Variants in MVB12B observed in about 807,000 individuals in gnomAD.
The protein encoded by MVB12B is ESCRT-I complex subunit MVB12B.
In MVB12B, 16 loss-of-function variants were observed where a neutral mutation model predicts 41.6. The ratio of observed to expected loss-of-function variants is 0.38; its 90% CI spans 0.26 to 0.58. The LOEUF (loss-of-function observed/expected upper bound fraction) is 0.58. Among genes scored for constraint, MVB12B ranks in the 20% least tolerant of loss-of-function variants. The pLI, the probability that MVB12B is intolerant of heterozygous loss-of-function variation, is 0.62. For synonymous variants in MVB12B, 133 were observed against 139.7 expected (o/e 0.95, Z 0.34); for missense variants, 274 against 380.2 (o/e 0.72, Z 2.32).
intron 3 of MVB12B, among the ~76,000 whole-genome samples, chr9:126,384,111 T>C (rs1273091963): frequency 6.6e-6 from 1 of 152,084 alleles, no homozygotes; most frequent in Non-Finnish European, 1.5e-5. Context: ...AAAAAAATTA[T>C]GATAGATTAG....
chr9:126,384,924 C>A (rs768258674), intron 3 of MVB12B, among the ~76,000 whole-genome samples: 2 of 150,780 alleles, frequency 1.3e-5, no homozygotes, highest in Non-Finnish European at 2.9e-5. Flanking sequence ...GCAGCCTCAA[C>A]CTCCCAGGCT....
At chr9:126,477,136 G>T (rs1054086243) in intron 7 of MVB12B, among the ~76,000 whole-genome samples, 1 of 152,086 alleles carries the variant, frequency 6.6e-6, no homozygotes, top group Admixed American at 6.6e-5. Flanking sequence ...GGAAGGTGAA[G>T]GGGGAACAGG....
At chr9:126,397,784 A>G (rs1055925928) in intron 6 of MVB12B, among the ~76,000 whole-genome samples, 4 of 152,122 alleles carry the variant, frequency 2.6e-5, no homozygotes, top group Admixed American at 2.6e-4. Context: ...TTGATTATTC[A>G]TTCAAATTTT....
At chr9:126,410,199 G>A (rs1336315914) in intron 6 of MVB12B, among the ~76,000 whole-genome samples, 1 of 151,734 alleles carries the variant, frequency 6.6e-6, no homozygotes, top group Non-Finnish European at 1.5e-5. Flanking sequence ...ATGCATGCAT[G>A]TGTGTATGTG....
intron 7 of MVB12B, among the ~76,000 whole-genome samples, chr9:126,440,457 C>T (rs1421987543): frequency 6.6e-6 from 1 of 152,152 alleles, no homozygotes; most frequent in Non-Finnish European, 1.5e-5. Flanking sequence ...CACGAGTGAA[C>T]TGTAAAAGGT....
At chr9:126,349,798 G>A (rs1271323098) in intron 2 of MVB12B, among the ~76,000 whole-genome samples, 4 of 152,194 alleles carry the variant, frequency 2.6e-5, no homozygotes, top group Non-Finnish European at 5.9e-5. Context: ...GAGCCATTAT[G>A]AATAAAGTTG....
At chr9:126,385,504 T>C (rs1830757735) in intron 3 of MVB12B, among the ~76,000 whole-genome samples, 1 of 152,168 alleles carries the variant, frequency 6.6e-6, no homozygotes, top group Non-Finnish European at 1.5e-5. Flanking sequence ...CTAAGCAAGA[T>C]GGAACAACAG....
chr9:126,379,787 C>A (rs1465300611), intron 2 of MVB12B, among the ~76,000 whole-genome samples: 1 of 152,204 alleles, frequency 6.6e-6, no homozygotes, highest in Non-Finnish European at 1.5e-5. Flanking sequence ...GCCCACTGGG[C>A]TGGGGTCCTG....
At chr9:126,401,546 C>T (rs375298795) in intron 6 of MVB12B, among the ~76,000 whole-genome samples, 1 of 152,240 alleles carries the variant, frequency 6.6e-6, no homozygotes, top group Non-Finnish European at 1.5e-5. Flanking sequence ...ATGTCGATGT[C>T]AGGTTTTGAG....
intron 7 of MVB12B, among the ~76,000 whole-genome samples, chr9:126,447,317 A>G (rs922805115): frequency 7.0e-6 from 1 of 142,998 alleles, no homozygotes; most frequent in Non-Finnish European, 1.5e-5. Context: ...TGGTTCCCTC[A>G]TTTGTTTTCT....
At chr9:126,371,260 G>A (rs534386584) in intron 2 of MVB12B, among the ~76,000 whole-genome samples, 16 of 152,364 alleles carry the variant, frequency 1.1e-4, no homozygotes, top group South Asian at 4.1e-4. Context: ...TAGCTTGGCC[G>A]TCTGGGTGCG....
At chr9:126,366,928 C>T (rs1830198884) in intron 2 of MVB12B, among the ~76,000 whole-genome samples, 1 of 152,176 alleles carries the variant, frequency 6.6e-6, no homozygotes, top group Admixed American at 6.5e-5. Context: ...ATTCCCAAAC[C>T]GAACTCCTCT....
chr9:126,415,985 A>C (rs1433055763), intron 6 of MVB12B, among the ~76,000 whole-genome samples: 2 of 152,202 alleles, frequency 1.3e-5, no homozygotes, highest in Non-Finnish European at 2.9e-5. Context: ...CAGAGGCTGG[A>C]GGAACAAAAG....
intron 7 of MVB12B, among the ~76,000 whole-genome samples, chr9:126,453,031 T>C (rs1832913381): frequency 6.6e-6 from 1 of 151,886 alleles, no homozygotes; most frequent in Admixed American, 6.6e-5. Flanking sequence ...GCCCCTCACC[T>C]TCTTTGAGCT....
intron 9 of MVB12B, among the ~76,000 whole-genome samples, chr9:126,493,340 C>G (rs1833772740): frequency 6.6e-6 from 1 of 152,128 alleles, no homozygotes; most frequent in South Asian, 2.1e-4. Flanking sequence ...TTAAATGCCA[C>G]TTTTATCATA....
At chr9:126,476,454 G>A (rs987661489) in intron 7 of MVB12B, among the ~76,000 whole-genome samples, 6 of 152,216 alleles carry the variant, frequency 3.9e-5, no homozygotes, top group East Asian at 1.9e-4. Context: ...CACCCTGCCC[G>A]CTCCCTGCAG....
intron 6 of MVB12B, among the ~76,000 whole-genome samples, chr9:126,405,424 C>T (rs1831391299): frequency 1.3e-5 from 2 of 152,026 alleles, no homozygotes; most frequent in South Asian, 4.2e-4. Flanking sequence ...TTTATCAGTT[C>T]ACTTTAGGGT....
At chr9:126,344,948 C>T (rs979212420) in intron 2 of MVB12B, among the ~76,000 whole-genome samples, 5 of 152,230 alleles carry the variant, frequency 3.3e-5, no homozygotes, top group African/African-American at 1.2e-4. Flanking sequence ...AATCACTTCT[C>T]ACAGGTCCCA....
chr9:126,414,860 A>T (rs1831765134), intron 6 of MVB12B, among the ~76,000 whole-genome samples: 1 of 151,084 alleles, frequency 6.6e-6, no homozygotes, highest in Admixed American at 6.6e-5. Context: ...TTATTTTGAG[A>T]CTGGATTATA....
Sources: allele counts gnomAD v4.1 joint callset (sites outside exome capture counted in the v4.1 genomes callset), GRCh38; gene constraint gnomAD v4.1.1; transcripts MANE v1.5; gene names NCBI Gene and HGNC (gene_info 2026-07-23, HGNC 2026-07-21).